SLC9D1: variants seen among roughly 807,000 people sequenced by gnomAD.
The protein encoded by SLC9D1 is putative LAG1-interacting protein.
At chr13:113,498,017 TCA>T in the SLC9D1 span, among the ~76,000 whole-genome samples, 1 of 152,240 alleles carries the variant, frequency 6.6e-6, no homozygotes, top group Non-Finnish European at 1.5e-5. Context: ...ACCGCTGCAC[TCA>T]CACACATGAT....
At chr13:113,521,141 G>T in the SLC9D1 span, among the ~76,000 whole-genome samples, 3 of 151,844 alleles carry the variant, frequency 2.0e-5, no homozygotes, top group African/African-American at 7.3e-5. Context: ...TGTAGGTAGG[G>T]TATATCTGTG....
At chr13:113,523,332 A>G in the SLC9D1 span, among the ~76,000 whole-genome samples, 1 of 152,178 alleles carries the variant, frequency 6.6e-6, no homozygotes, top group East Asian at 1.9e-4. Context: ...AATTTGCTTA[A>G]TAGTCACAGT....
the SLC9D1 span, among the ~76,000 whole-genome samples, chr13:113,537,401 G>A: frequency 1.3e-5 from 2 of 152,190 alleles, no homozygotes; most frequent in Admixed American, 6.5e-5. Flanking sequence ...GTCGCGTGGC[G>A]GCTTCCGTGT....
At chr13:113,511,042 G>A in the SLC9D1 span, among the ~76,000 whole-genome samples, 2 of 145,942 alleles carry the variant, frequency 1.4e-5, no homozygotes, top group Non-Finnish European at 3.0e-5. Context: ...GGGGAGGACA[G>A]TGGAAGCCGA....
the SLC9D1 span, among the ~76,000 whole-genome samples, chr13:113,516,359 G>A: frequency 1.3e-5 from 2 of 152,040 alleles, no homozygotes; most frequent in Non-Finnish European, 2.9e-5. Flanking sequence ...CAGGTCAGGA[G>A]TTCAAGACCG....
chr13:113,517,618 G>A, the SLC9D1 span, among the ~76,000 whole-genome samples: 1 of 152,204 alleles, frequency 6.6e-6, no homozygotes, highest in South Asian at 2.1e-4. Context: ...AGAGCTTTGT[G>A]CATCAACATG....
chr13:113,495,950 G>A, the SLC9D1 span: 12 of 1,613,810 alleles, frequency 7.4e-6, no homozygotes, highest in Non-Finnish European at 9.3e-6. Flanking sequence ...CCCTGCAGGG[G>A]GATTACAAAG....
chr13:113,545,342 G>A, the SLC9D1 span, among the ~76,000 whole-genome samples: 1 of 152,234 alleles, frequency 6.6e-6, no homozygotes, highest in Non-Finnish European at 1.5e-5. Context: ...TGTGGAGCCG[G>A]TGGGGCCCAG....
the SLC9D1 span, chr13:113,495,545 C>A: frequency 1.3e-5 from 19 of 1,459,638 alleles, no homozygotes; most frequent in Non-Finnish European, 1.8e-5. Context: ...GGGCAGAGAC[C>A]CGTGGATTGC....
the SLC9D1 span, among the ~76,000 whole-genome samples, chr13:113,541,004 G>A: frequency 1.3e-5 from 2 of 152,186 alleles, no homozygotes; most frequent in African/African-American, 2.4e-5. Context: ...CGTAGGCTTT[G>A]TGGAAGAGCT....
chr13:113,495,459 A>T, the SLC9D1 span: 1 of 684,184 alleles, frequency 1.5e-6, no homozygotes, highest in South Asian at 2.1e-5. Context: ...ATCAATAGTA[A>T]TGAATCATTG....
chr13:113,512,909 A>G, the SLC9D1 span, among the ~76,000 whole-genome samples: 2 of 150,338 alleles, frequency 1.3e-5, no homozygotes, highest in African/African-American at 4.9e-5. Context: ...TCGGAGCCCC[A>G]GGGGCCAGAA....
At chr13:113,492,540 A>G in the SLC9D1 span, among the ~76,000 whole-genome samples, 1 of 152,218 alleles carries the variant, frequency 6.6e-6, no homozygotes, top group African/African-American at 2.4e-5. Context: ...CTTCTCAATA[A>G]AATTGAGATT....
chr13:113,548,807 C>G, the SLC9D1 span, among the ~76,000 whole-genome samples: 3,448 of 152,312 alleles, frequency 0.023, 87 homozygotes, highest in East Asian at 0.11. Context: ...GCCCGGAGAG[C>G]TGGGTGGAGG....
the SLC9D1 span, chr13:113,498,450 G>A: frequency 6.3e-7 from 1 of 1,587,932 alleles, no homozygotes; most frequent in Non-Finnish European, 8.5e-7. Flanking sequence ...CGAGATTCTT[G>A]AAGATGTAAG....
the SLC9D1 span, chr13:113,547,314 CCCA>C: frequency 6.2e-7 from 1 of 1,614,142 alleles, no homozygotes; most frequent in Non-Finnish European, 8.5e-7. Context: ...CCACGTGTTC[CCCA>C]CGTTTGTGGC....
chr13:113,530,570 CGAG>C, the SLC9D1 span: 1 of 151,862 alleles, frequency 6.6e-6, no homozygotes, highest in African/African-American at 2.4e-5. Context: ...ATTTTAATAA[CGAG>C]GGAAAATTTA....
At chr13:113,495,654 C>T in the SLC9D1 span, 4 of 1,600,528 alleles carry the variant, frequency 2.5e-6, no homozygotes, top group South Asian at 4.5e-5. Flanking sequence ...GGCTGTGGAG[C>T]ACGAGGAGGT....
At chr13:113,548,386 C>T in the SLC9D1 span, 1 of 1,613,526 alleles carries the variant, frequency 6.2e-7, no homozygotes, top group Non-Finnish European at 8.5e-7. Context: ...CGGGGCTTGC[C>T]CAGGTCAGCG....
Sources: allele counts gnomAD v4.1 joint callset (sites outside exome capture counted in the v4.1 genomes callset), GRCh38; gene constraint gnomAD v4.1.1; transcripts MANE v1.5; gene names NCBI Gene and HGNC (gene_info 2026-07-23, HGNC 2026-07-21).